KSR2: variants seen among roughly 807,000 people sequenced by gnomAD.
The protein encoded by KSR2 is kinase suppressor of ras 2.
KSR2 carries 25 observed loss-of-function variants against 107.8 expected under a neutral mutation model. That is an observed-to-expected ratio of 0.23 (90% CI 0.17 to 0.32). The LOEUF (loss-of-function observed/expected upper bound fraction) is 0.32, where lower values mean the gene tolerates loss of function less well. KSR2 is among the 10% of genes least tolerant of loss of function. KSR2 has a pLI of 1.00. For missense variants in KSR2, 887 were observed against 1,268.9 expected (o/e 0.70, Z 4.57); for synonymous variants, 480 against 507.0 (o/e 0.95, Z 0.71).
rs556295347 is a variant in KSR2, at chr12:117,544,893, G to A, written c.1519-5006C>T. ...TTGAATAAGAATGGTGAGAGTGGAT[G>A]TCCTAGCTTGTTCCTAGCTGTAGAG... is the stretch of plus-strand genomic sequence containing the variant. On this transcript the variant is annotated intron_variant, in intron 9 of 19. Coordinates refer to ENST00000339824, the MANE Select transcript of KSR2 (RefSeq NM_173598.6). Among the ~76,000 whole-genome samples, 8 of 152,266 alleles carry A rather than the reference G, an allele frequency of 5.3e-5. No homozygotes were observed. The South Asian group carries it at 1.7e-3, about 32-fold the overall frequency.
chr12:117,578,601 C>CAAAAAAAAAAAA (rs66919524), intron 7 of KSR2, among the ~76,000 whole-genome samples: 1 of 103,978 alleles, frequency 9.6e-6, no homozygotes, highest in African/African-American at 3.0e-5. Context: ...GACTCCATCT[C>CAAAAAAAAAAAA]AAAAAAAAAA....
chr12:117,731,008 A>C (rs1455931649), intron 4 of KSR2, among the ~76,000 whole-genome samples: 15 of 131,046 alleles, frequency 1.1e-4, no homozygotes, highest in African/African-American at 2.1e-4. Context: ...CCAGCCGCCC[A>C]GTCTGGGAAG....
intron 3 of KSR2, among the ~76,000 whole-genome samples, chr12:117,774,494 G>A (rs1889617780): frequency 6.6e-6 from 1 of 152,168 alleles, no homozygotes; most frequent in Admixed American, 6.5e-5. Context: ...CAGGTCACCT[G>A]GGAGATGGGA....
At chr12:117,534,638 A>G (rs1467085187) in intron 10 of KSR2, among the ~76,000 whole-genome samples, 1 of 152,122 alleles carries the variant, frequency 6.6e-6, no homozygotes, top group African/African-American at 2.4e-5. Flanking sequence ...TGCCGCTACA[A>G]CATGTCCAGG....
intron 1 of KSR2, among the ~76,000 whole-genome samples, chr12:117,898,641 T>A (rs974942986): frequency 1.5e-4 from 23 of 152,070 alleles, no homozygotes; most frequent in African/African-American, 4.3e-4. Flanking sequence ...TAAAAAAAAA[T>A]TTTGTGGGTA....
rs566646863 is a variant in KSR2, at chr12:117,811,905, G to A, written c.472+43523C>T. 2.6e-5 allele frequency among the ~76,000 whole-genome samples: 4 copies of A among 152,340 alleles called. No homozygotes were observed. The South Asian group carries it at 8.3e-4, about 32-fold the overall frequency. ...GGCAACTCCCAGGCAGCACTTAGAA[G>A]TTCACAACCTGCCTGCTGCCTGAAC... On this transcript the variant is annotated intron_variant, in intron 3 of 19. Transcript: ENST00000339824.
At chr12:117,862,062 CTT>C (rs34794818) in intron 1 of KSR2, among the ~76,000 whole-genome samples, 17 of 139,794 alleles carry the variant, frequency 1.2e-4, no homozygotes, top group East Asian at 2.1e-4. Context: ...ATATTATCAT[CTT>C]TTTTTTTTTT....
At chr12:117,561,461 T>C (rs939647315) in intron 7 of KSR2, among the ~76,000 whole-genome samples, 7 of 152,238 alleles carry the variant, frequency 4.6e-5, no homozygotes, top group African/African-American at 1.7e-4. Context: ...AGTCCCATTT[T>C]ACAGAGTGAG....
At chr12:117,827,678 A>C (rs1191666036) in intron 3 of KSR2, among the ~76,000 whole-genome samples, 1 of 152,244 alleles carries the variant, frequency 6.6e-6, no homozygotes. Context: ...CTTACAATGT[A>C]TAACACAATA....
chr12:117,649,778 A>C (rs1043269458), intron 5 of KSR2, among the ~76,000 whole-genome samples: 1 of 152,106 alleles, frequency 6.6e-6, no homozygotes, highest in Non-Finnish European at 1.5e-5. Context: ...AGGGGATGGG[A>C]GAAAAAAGAA....
At chr12:117,850,894 A>C (rs7977307) in intron 3 of KSR2, among the ~76,000 whole-genome samples, 2,103 of 152,316 alleles carry the variant, frequency 0.014, 42 homozygotes, top group African/African-American at 0.041. Context: ...AGCAGAAACA[A>C]GTATGATCCC....
chr12:117,490,184 G>A (rs1231215090), intron 14 of KSR2, among the ~76,000 whole-genome samples: 1 of 152,114 alleles, frequency 6.6e-6, no homozygotes, highest in African/African-American at 2.4e-5. Flanking sequence ...TCCACTGTGT[G>A]GGTGCCCAGT....
At chr12:117,911,157 T>TC (rs1895000003) in intron 1 of KSR2, among the ~76,000 whole-genome samples, 1 of 144,266 alleles carries the variant, frequency 6.9e-6, no homozygotes, top group African/African-American at 2.7e-5. Context: ...CACACATTCT[T>TC]TCTCTCTCTC....
intron 3 of KSR2, among the ~76,000 whole-genome samples, chr12:117,783,436 G>C (rs556107762): frequency 6.6e-6 from 1 of 152,292 alleles, no homozygotes; most frequent in South Asian, 2.1e-4. Context: ...TCTGTAAAAT[G>C]GGGATAGTGT....
intron 1 of KSR2, chr12:117,890,974 C>T (rs1204273498): frequency 1.3e-5 from 2 of 152,050 alleles, no homozygotes; most frequent in Admixed American, 1.3e-4. Context: ...CACTGTCATC[C>T]CTCCCTTCAG....
chr12:117,506,975 C>T (rs1025848083), intron 14 of KSR2, among the ~76,000 whole-genome samples: 2 of 152,050 alleles, frequency 1.3e-5, no homozygotes, highest in Admixed American at 1.3e-4. Context: ...TTCAAAACTC[C>T]CAGGTAATTC....
At chr12:117,883,837 C>T (rs576968102) in intron 1 of KSR2, among the ~76,000 whole-genome samples, 2 of 142,912 alleles carry the variant, frequency 1.4e-5, no homozygotes, top group South Asian at 4.4e-4. Context: ...GATCGTACCA[C>T]TGCACTCCAG....
chr12:117,617,962 G>T (rs1282176917), intron 5 of KSR2, among the ~76,000 whole-genome samples: 1 of 152,160 alleles, frequency 6.6e-6, no homozygotes, highest in Non-Finnish European at 1.5e-5. Context: ...TCAAGTCCAT[G>T]TTTAATAAAC....
chr12:117,753,283 T>C (rs34994217), intron 4 of KSR2, among the ~76,000 whole-genome samples: 13,762 of 152,272 alleles, frequency 0.09, 784 homozygotes, highest in South Asian at 0.16. Flanking sequence ...ATATGGTGTA[T>C]CTCTGTTTAC....
Sources: allele counts gnomAD v4.1 joint callset (sites outside exome capture counted in the v4.1 genomes callset), GRCh38; gene constraint gnomAD v4.1.1; transcripts MANE v1.5; gene names NCBI Gene and HGNC (gene_info 2026-07-23, HGNC 2026-07-21).